The following CUX1 variants were observed in gnomAD, a reference collection of about 807,000 sequenced individuals.
CUX1 encodes the protein protein CASP.
Under a neutral mutation model 158.8 loss-of-function variants are expected in CUX1, and 31 were observed. The ratio of observed to expected loss-of-function variants is 0.20; its 90% CI spans 0.15 to 0.26. The LOEUF is 0.26. Among genes scored for constraint, CUX1 ranks in the 10% least tolerant of loss-of-function variants. The pLI, the probability that CUX1 is intolerant of heterozygous loss-of-function variation, is 1.00. For synonymous variants in CUX1, 879 were observed against 862.1 expected, an observed-to-expected ratio of 1.02 and a Z score of -0.34; for missense variants, 1,589 against 2,014.6, an observed-to-expected ratio of 0.79 and a Z score of 4.04.
chr7:102,154,761 C>T (rs539464407), intron 8 of CUX1, among the ~76,000 whole-genome samples: 35 of 152,136 alleles, frequency 2.3e-4, no homozygotes, highest in African/African-American at 8.4e-4. Context: ...CAACAATATC[C>T]AAATAACAGT....
At chr7:102,273,464 A>C in exon 15 of CUX1, 1 of 1,613,192 alleles carries the variant, frequency 6.2e-7, no homozygotes, top group Non-Finnish European at 8.5e-7. Flanking sequence ...CCTGAGCATC[A>C]TTCAGTCCAT....
At chr7:102,040,870 C>T (rs1210202059) in intron 3 of CUX1, among the ~76,000 whole-genome samples, 10 of 152,300 alleles carry the variant, frequency 6.6e-5, no homozygotes, top group Admixed American at 4.6e-4. Context: ...GTGGGTTACC[C>T]AGATCCTCCC....
chr7:102,211,155 G>T (rs1796469942), intron 20 of CUX1, among the ~76,000 whole-genome samples: 1 of 152,128 alleles, frequency 6.6e-6, no homozygotes, highest in Admixed American at 6.5e-5. Flanking sequence ...ACTGTCTAAA[G>T]CAGGCAGGGG....
At position 102,165,640 on chromosome 7, in the gene CUX1, C is replaced by T. The variant is rs893109892; in HGVS notation, c.724-4806C>T. On this transcript the variant is annotated intron_variant, in intron 9 of 23. Transcript: ENST00000292535. ...TCAGCCTCCCAAAGTGCTGGGATTA[C>T]AGGCGTGAGCCACAGCACCCAGCAA... Among the ~76,000 whole-genome samples the T allele has an allele frequency of 6.6e-5, 10 of 152,168 alleles. No individual in the cohort carries two copies. In the East Asian group the frequency reaches 1.5e-3, roughly 23 times the overall value.
intron 3 of CUX1, among the ~76,000 whole-genome samples, chr7:102,056,878 ATTTTTTG>A (rs765213678): frequency 9.1e-5 from 12 of 132,206 alleles, no homozygotes; most frequent in South Asian, 2.5e-4. Flanking sequence ...TGATAAAAAG[ATTTTTTG>A]TTTTTTGTTT....
intron 2 of CUX1, among the ~76,000 whole-genome samples, chr7:101,995,393 T>C (rs1174753398): frequency 6.6e-6 from 1 of 152,206 alleles, no homozygotes; most frequent in African/African-American, 2.4e-5. Flanking sequence ...AATGAATGTG[T>C]CTCTATCCCT....
chr7:102,055,591 G>GTT (rs1421804162), intron 3 of CUX1, among the ~76,000 whole-genome samples: 1 of 152,194 alleles, frequency 6.6e-6, no homozygotes, highest in Non-Finnish European at 1.5e-5. Flanking sequence ...TATTGTGTGT[G>GTT]TTCTGACTAC....
At chr7:102,234,374 T>C in intron 22 of CUX1, 134 bp downstream of exon 22, 1 of 744,528 alleles carries the variant, frequency 1.3e-6, no homozygotes, top group Non-Finnish European at 1.9e-6. Context: ...GCAAAAATAT[T>C]TTTGGATGGT....
At chr7:102,202,616 CA>C (rs1215470891) in intron 18 of CUX1, among the ~76,000 whole-genome samples, 5 of 151,720 alleles carry the variant, frequency 3.3e-5, no homozygotes, top group African/African-American at 1.2e-4. Flanking sequence ...CTTCCTTGGC[CA>C]AAAAAAATCC....
intron 1 of CUX1, among the ~76,000 whole-genome samples, chr7:101,914,177 G>A (rs1288801439): frequency 2.6e-5 from 4 of 151,798 alleles, no homozygotes; most frequent in Non-Finnish European, 5.9e-5. Flanking sequence ...TCTAGCCCAC[G>A]TTATTCCTTA....
downstream of CUX1, among the ~76,000 whole-genome samples, chr7:102,259,766 AG>A (rs1790251148): frequency 2.1e-5 from 3 of 143,340 alleles, no homozygotes; most frequent in African/African-American, 7.7e-5. Context: ...AAGAAAGAAA[AG>A]AGAAAGGAAG....
At chr7:101,951,781 A>T (rs891684235) in intron 2 of CUX1, among the ~76,000 whole-genome samples, 8 of 152,256 alleles carry the variant, frequency 5.3e-5, no homozygotes, top group African/African-American at 1.7e-4. Context: ...TGCTGGGATT[A>T]CAGGTATGGG....
In CUX1 at chr7:102,239,592, G is replaced by T. The variant is rs188145676; in HGVS notation, c.3887+8G>T. The T allele has an allele frequency of 6.2e-7, 1 of 1,607,824 alleles. No individual in the cohort carries two copies. Among genetic ancestry groups the T allele is most frequent in the African/African-American group, 1.3e-5 (1 of 74,780 alleles). On this transcript the variant is annotated splice_region_variant and intron_variant, in intron 23 of 23. Transcript: ENST00000292535. ...CTGGTTCCACAACTACAGGTACGAC[G>T]GCTGGCTCACAGGGAGCGCCGGTCG...
At chr7:102,261,000 A>G (rs1222950628), downstream of CUX1, among the ~76,000 whole-genome samples, 10 of 152,186 alleles carry the variant, frequency 6.6e-5, no homozygotes, top group Admixed American at 6.5e-4. Flanking sequence ...GGACCCAACC[A>G]GGGAACTGGG....
At chr7:101,991,392 A>C (rs1023288462) in intron 2 of CUX1, among the ~76,000 whole-genome samples, 1 of 152,126 alleles carries the variant, frequency 6.6e-6, no homozygotes, top group Admixed American at 6.5e-5. Context: ...TTGTTGACCA[A>C]CTTCCGCTAG....
intron 17 of CUX1, among the ~76,000 whole-genome samples, chr7:102,200,803 G>A (rs1554519423): frequency 1.3e-5 from 2 of 151,900 alleles, no homozygotes; most frequent in Admixed American, 6.6e-5. Flanking sequence ...GCTGATGGGG[G>A]AGGATGACTT....
intron 2 of CUX1, among the ~76,000 whole-genome samples, chr7:101,933,450 AC>A (rs772842459): frequency 4.1e-4 from 63 of 152,340 alleles, no homozygotes; most frequent in Non-Finnish European, 8.5e-4. Flanking sequence ...TCCTAGACAA[AC>A]ACTATTAAGT....
chr7:101,990,999 A>G (rs756294266), intron 2 of CUX1, among the ~76,000 whole-genome samples: 90 of 152,098 alleles, frequency 5.9e-4, no homozygotes, highest in Non-Finnish European at 1.2e-3. Context: ...GAGTCTCATC[A>G]ACGCTTTTTA....
chr7:102,146,425 A>G (rs782309245), intron 8 of CUX1, among the ~76,000 whole-genome samples: 37 of 152,092 alleles, frequency 2.4e-4, no homozygotes, highest in African/African-American at 8.0e-4. Flanking sequence ...GTAGAAGGTC[A>G]TTTCGTTCGG....
Sources: allele counts gnomAD v4.1 joint callset (sites outside exome capture counted in the v4.1 genomes callset), GRCh38; gene constraint gnomAD v4.1.1; transcripts MANE v1.5; gene names NCBI Gene and HGNC (gene_info 2026-07-23, HGNC 2026-07-21).